RELN: variants seen among roughly 807,000 people sequenced by gnomAD.
The protein encoded by RELN is reelin.
RELN carries 108 observed loss-of-function variants against 427.6 expected under a neutral mutation model. That is an observed-to-expected ratio of 0.25 (90% CI 0.22 to 0.30). The LOEUF is 0.30. Among genes scored for constraint, RELN ranks in the 10% least tolerant of loss-of-function variants. The probability of loss-of-function intolerance (pLI) is 1.00; values close to 1 mark genes in which losing one functional copy is unlikely to be tolerated. For synonymous variants in RELN, 1,524 were observed against 1,513.4 expected, an observed-to-expected ratio of 1.01 and a Z score of -0.16; for missense variants, 3,715 against 4,302.8, an observed-to-expected ratio of 0.86 and a Z score of 3.82.
intron 38 of RELN, among the ~76,000 whole-genome samples, chr7:103,556,681 T>G (rs1830529453): frequency 6.6e-6 from 1 of 152,192 alleles, no homozygotes; most frequent in Admixed American, 6.5e-5. Flanking sequence ...CTTCCTTATT[T>G]TCTCTTGCTG....
At chr7:103,956,341 T>C (rs1385380502) in intron 1 of RELN, among the ~76,000 whole-genome samples, 1 of 152,210 alleles carries the variant, frequency 6.6e-6, no homozygotes, top group Non-Finnish European at 1.5e-5. Flanking sequence ...CTGATTTTAG[T>C]GTTAAGTGTT....
intron 3 of RELN, among the ~76,000 whole-genome samples, chr7:103,812,346 A>C (rs921496007): frequency 1.3e-5 from 2 of 152,164 alleles, no homozygotes; most frequent in African/African-American, 2.4e-5. Flanking sequence ...TCTATGTCAC[A>C]TATTGGGCTG....
At chr7:103,635,685 C>A in intron 18 of RELN, 99 bp from the exon 19 acceptor site, 1 of 948,088 alleles carries the variant, frequency 1.1e-6, no homozygotes, top group East Asian at 2.5e-5. Flanking sequence ...TTCTACTCAC[C>A]CCTCTTTTAC....
intron 64 of RELN, chr7:103,476,715 T>C (rs1586459955): frequency 2.4e-6 from 1 of 419,676 alleles, no homozygotes; most frequent in South Asian, 1.9e-5. Context: ...TAAACAGTTA[T>C]TGTACCTTCT....
chr7:103,552,008 A>T (rs115013203), intron 40 of RELN, among the ~76,000 whole-genome samples: 2,654 of 151,956 alleles, frequency 0.017, 28 homozygotes, highest in South Asian at 0.034. Flanking sequence ...ACATTATTAT[A>T]TTATTAACTA....
intron 19 of RELN, among the ~76,000 whole-genome samples, chr7:103,632,808 A>T (rs927640935): frequency 5.4e-5 from 8 of 149,058 alleles, no homozygotes; most frequent in Admixed American, 1.3e-4. Context: ...CAAATTGTTT[A>T]AAAAATGTTT....
intron 20 of RELN, among the ~76,000 whole-genome samples, chr7:103,617,434 T>A (rs548453250): frequency 3.2e-4 from 49 of 151,896 alleles, no homozygotes; most frequent in Non-Finnish European, 2.9e-5. Flanking sequence ...TTGGTATCTT[T>A]TGAGACTGTC....
At chr7:103,501,871 C>T (rs1170336983) in intron 52 of RELN, among the ~76,000 whole-genome samples, 1 of 152,128 alleles carries the variant, frequency 6.6e-6, no homozygotes, top group Non-Finnish European at 1.5e-5. Context: ...TGCAAGGTGG[C>T]GCTTGTTCTG....
At chr7:103,801,982 C>T (rs922137222) in intron 3 of RELN, among the ~76,000 whole-genome samples, 5 of 152,098 alleles carry the variant, frequency 3.3e-5, no homozygotes, top group Admixed American at 2.0e-4. Context: ...TGCACTGGTA[C>T]GTATTTACAT....
chr7:103,970,049 C>A (rs1047703653), intron 1 of RELN, among the ~76,000 whole-genome samples: 7 of 152,124 alleles, frequency 4.6e-5, no homozygotes, highest in Non-Finnish European at 8.8e-5. Context: ...AAATCTGAGT[C>A]ACCGGATACT....
intron 6 of RELN, among the ~76,000 whole-genome samples, chr7:103,742,316 A>G (rs1018602025): frequency 2.0e-5 from 3 of 152,206 alleles, no homozygotes; most frequent in Non-Finnish European, 4.4e-5. Context: ...AAGATGGGAA[A>G]AAAACAGAGC....
intron 4 of RELN, among the ~76,000 whole-genome samples, chr7:103,773,320 CGTCTCTCTCTCTCCCTCG>C (rs1791642533): frequency 1.9e-5 from 1 of 52,216 alleles, no homozygotes; most frequent in Non-Finnish European, 3.3e-5. Context: ...TCGCTCCCTC[CGTCTCTCTCTCTCCCTCG>C]CTTCCTCTCT....
chr7:103,494,124 T>G (rs1165467558), intron 57 of RELN, among the ~76,000 whole-genome samples: 1 of 152,124 alleles, frequency 6.6e-6, no homozygotes, highest in Non-Finnish European at 1.5e-5. Flanking sequence ...GTGTAACACT[T>G]CTTCATATCA....
chr7:103,694,410 G>A (rs1265628453), intron 10 of RELN, among the ~76,000 whole-genome samples: 5 of 151,894 alleles, frequency 3.3e-5, no homozygotes, highest in Non-Finnish European at 7.4e-5. Flanking sequence ...TTCCACATAT[G>A]AAAAATGGGA....
At chr7:103,784,100 T>C (rs1791959518) in intron 3 of RELN, among the ~76,000 whole-genome samples, 1 of 152,124 alleles carries the variant, frequency 6.6e-6, no homozygotes. Flanking sequence ...ATTTTGTTCA[T>C]ATGCAGAAGA....
Position 103,569,852 on chromosome 7 carries a change from C to T in RELN, c.4588+2332G>A, listed in dbSNP as rs1323459647. On this transcript the variant is annotated intron_variant, in intron 31 of 64. Transcript: ENST00000428762. The surrounding 1 kb of genome is among the most constrained non-coding windows in gnomAD (Gnocchi z 4.0). ...TGAACCAGGCCCTTTAACTCATCTACCAAGTGTTTAAGGCATGTGAAACAT... is the reference window on the plus strand; with the variant it reads ...TGAACCAGGCCCTTTAACTCATCTATCAAGTGTTTAAGGCATGTGAAACAT... Among the ~76,000 whole-genome samples, 1 of 152,200 alleles carries T rather than the reference C, an allele frequency of 6.6e-6. No individual in the cohort carries two copies. Among genetic ancestry groups the T allele is most frequent in the African/African-American group, 2.4e-5 (1 of 41,442 alleles).
intron 20 of RELN, among the ~76,000 whole-genome samples, chr7:103,615,279 AG>A (rs1832054898): frequency 6.6e-6 from 1 of 152,244 alleles, no homozygotes; most frequent in African/African-American, 2.4e-5. Context: ...CAAGAAGGCT[AG>A]TAGGCCATGA....
chr7:103,810,393 G>T (rs1434661209), intron 3 of RELN, among the ~76,000 whole-genome samples: 1 of 152,122 alleles, frequency 6.6e-6, no homozygotes, highest in Non-Finnish European at 1.5e-5. Flanking sequence ...CAAATAACTA[G>T]GTCTTAACAA....
At chr7:103,785,782 T>C (rs141064144) in intron 3 of RELN, among the ~76,000 whole-genome samples, 1 of 152,208 alleles carries the variant, frequency 6.6e-6, no homozygotes, top group Non-Finnish European at 1.5e-5. Context: ...TCTGTGAAAA[T>C]ATTGTGGAAA....
Sources: gnomAD v4.1 joint callset for allele counts (sites outside exome capture counted in the v4.1 genomes callset) on GRCh38, gnomAD v4.1.1 for gene constraint, Gnocchi (gnomAD v3.1) non-coding constraint, MANE v1.5 for transcripts, NCBI Gene and HGNC (gene_info 2026-07-23, HGNC 2026-07-21) for gene names.